The following PCSK5 variants were observed in gnomAD, a reference collection of about 807,000 sequenced individuals.
The protein encoded by PCSK5 is prohormone convertase 5.
Under a neutral mutation model 233.2 loss-of-function variants are expected in PCSK5, and 129 were observed. The ratio of observed to expected loss-of-function variants is 0.55; its 90% CI spans 0.48 to 0.64. PCSK5 has a LOEUF of 0.64. Ranked by LOEUF, PCSK5 falls within the 30% of genes least tolerant of loss-of-function variation. The pLI is 0.00. For synonymous variants in PCSK5, 825 were observed against 879.2 expected (o/e 0.94, Z 1.09); for missense variants, 2,076 against 2,430.1 (o/e 0.85, Z 3.06).
chr9:76,341,485 T>C (rs1006136455), intron 35 of PCSK5, among the ~76,000 whole-genome samples: 7 of 152,196 alleles, frequency 4.6e-5, no homozygotes, highest in Admixed American at 1.3e-4. Context: ...ATAGAGACGA[T>C]GTCTCGCCAT....
At chr9:76,007,454 A>G (rs1827526368) in intron 3 of PCSK5, among the ~76,000 whole-genome samples, 2 of 151,334 alleles carry the variant, frequency 1.3e-5, no homozygotes, top group African/African-American at 4.9e-5. Context: ...AATTGTGTGT[A>G]GAAAGAGGTG....
At chr9:75,898,534 T>G (rs34801106) in intron 1 of PCSK5, among the ~76,000 whole-genome samples, 5,143 of 152,232 alleles carry the variant, frequency 0.034, 117 homozygotes, top group Non-Finnish European at 0.047. Flanking sequence ...TGGGTGAGCT[T>G]GGGTCACATG....
At chr9:76,246,497 A>G (rs980751418) in intron 24 of PCSK5, among the ~76,000 whole-genome samples, 5 of 152,104 alleles carry the variant, frequency 3.3e-5, no homozygotes, top group African/African-American at 7.2e-5. Flanking sequence ...AAATGGTACA[A>G]TGGCTGTTGA....
intron 1 of PCSK5, among the ~76,000 whole-genome samples, chr9:75,913,330 C>G (rs1166940915): frequency 6.6e-6 from 1 of 152,186 alleles, no homozygotes; most frequent in Non-Finnish European, 1.5e-5. Context: ...CGTCGGTAGT[C>G]AGATTTTGCT....
At position 76,224,553 on chromosome 9, in the gene PCSK5, T is replaced by C. The variant is rs188471481; in HGVS notation, c.2627-2950T>C. Among the ~76,000 whole-genome samples, 46 of 152,180 alleles carry C rather than the reference T, an allele frequency of 3.0e-4. No individual in the cohort carries two copies. The East Asian group carries it at 6.8e-3, about 22-fold the overall frequency. The stretch of plus-strand genomic sequence containing the variant: ...CCAGGTGGGGGATGCAAGCTAGAGA[T>C]TGGAAGAGATGAATGAAGGGATAAT... On this transcript the variant is annotated intron_variant, in intron 20 of 37. Coordinates refer to ENST00000674117, the MANE Select transcript of PCSK5 (RefSeq NM_001372043.1).
At chr9:76,183,450 T>TG (rs1164334191) in intron 16 of PCSK5, among the ~76,000 whole-genome samples, 1 of 152,234 alleles carries the variant, frequency 6.6e-6, no homozygotes, top group East Asian at 1.9e-4. Context: ...GTTCATATCG[T>TG]TCCCTTGAAT....
chr9:76,275,912 G>C (rs1162606683), intron 24 of PCSK5, among the ~76,000 whole-genome samples: 1 of 152,154 alleles, frequency 6.6e-6, no homozygotes, highest in African/African-American at 2.4e-5. Flanking sequence ...AATTCCTTGA[G>C]GTAGGGACTG....
At chr9:76,308,571 G>T in intron 28 of PCSK5, 74 bp from the exon 29 acceptor site, 1 of 829,814 alleles carries the variant, frequency 1.2e-6, no homozygotes, top group Middle Eastern at 2.2e-4. Flanking sequence ...TAACCCATGA[G>T]ATCTTTTTCA....
At chr9:76,277,427 A>G (rs1255702932) in intron 24 of PCSK5, among the ~76,000 whole-genome samples, 1 of 152,192 alleles carries the variant, frequency 6.6e-6, no homozygotes, top group Non-Finnish European at 1.5e-5. Flanking sequence ...CAGCTTGCCT[A>G]TTATGATATT....
intron 24 of PCSK5, among the ~76,000 whole-genome samples, chr9:76,272,521 TC>T (rs1402514162): frequency 1.3e-5 from 2 of 152,096 alleles, no homozygotes; most frequent in African/African-American, 4.8e-5. Context: ...ATGCCTGTAA[TC>T]CCAGCACTTT....
chr9:76,151,942 C>T (rs1351668570), intron 10 of PCSK5, among the ~76,000 whole-genome samples: 1 of 152,118 alleles, frequency 6.6e-6, no homozygotes, highest in Non-Finnish European at 1.5e-5. Flanking sequence ...GCTTTACAAC[C>T]TGAGTGATAT....
chr9:76,187,693 A>G (rs559734091), intron 17 of PCSK5, among the ~76,000 whole-genome samples: 51 of 152,282 alleles, frequency 3.3e-4, no homozygotes, highest in African/African-American at 1.2e-3. Flanking sequence ...ATTTGCTTTC[A>G]ATTTTAAGAA....
At chr9:76,307,678 CT>C (rs1828742705) in intron 28 of PCSK5, among the ~76,000 whole-genome samples, 1 of 151,960 alleles carries the variant, frequency 6.6e-6, no homozygotes, top group Non-Finnish European at 1.5e-5. Context: ...ACAAGAAAGC[CT>C]GTGAGTAGGG....
intron 8 of PCSK5, 122 bp from the exon 9 acceptor site, chr9:76,107,129 C>G: frequency 1.7e-6 from 1 of 575,922 alleles, no homozygotes; most frequent in Non-Finnish European, 3.1e-6. Flanking sequence ...CGTGTAGGAA[C>G]AAGGAATTTA....
At chr9:76,065,119 T>C (rs929288889) in intron 5 of PCSK5, among the ~76,000 whole-genome samples, 1 of 152,234 alleles carries the variant, frequency 6.6e-6, no homozygotes, top group Non-Finnish European at 1.5e-5. Flanking sequence ...TGTGCAGATA[T>C]CTTTTCAATA....
At chr9:76,029,490 T>C (rs922150085) in intron 5 of PCSK5, among the ~76,000 whole-genome samples, 3 of 152,222 alleles carry the variant, frequency 2.0e-5, no homozygotes, top group African/African-American at 7.2e-5. Flanking sequence ...ATAGGACTGA[T>C]TTGTTTGCCA....
At chr9:76,065,844 G>A (rs1348515846) in intron 5 of PCSK5, among the ~76,000 whole-genome samples, 2 of 151,856 alleles carry the variant, frequency 1.3e-5, no homozygotes, top group Non-Finnish European at 2.9e-5. Flanking sequence ...GGGGTGGGGG[G>A]TAATAGTTTC....
intron 30 of PCSK5, among the ~76,000 whole-genome samples, chr9:76,318,895 A>T (rs1230725207): frequency 6.6e-6 from 1 of 152,236 alleles, no homozygotes; most frequent in Non-Finnish European, 1.5e-5. Flanking sequence ...AAAGAAAAAA[A>T]TAATAAAACT....
At chr9:76,256,805 T>C (rs1310987237) in intron 24 of PCSK5, among the ~76,000 whole-genome samples, 1 of 152,204 alleles carries the variant, frequency 6.6e-6, no homozygotes, top group African/African-American at 2.4e-5. Context: ...GAAATCTTAG[T>C]CTCTATTCAT....
Sources: gnomAD v4.1 joint callset for allele counts (sites outside exome capture counted in the v4.1 genomes callset) on GRCh38, gnomAD v4.1.1 for gene constraint, MANE v1.5 for transcripts, NCBI Gene and HGNC (gene_info 2026-07-23, HGNC 2026-07-21) for gene names.